The following LGI2 variants were observed in gnomAD, a reference collection of about 807,000 sequenced individuals.
LGI2 encodes leucine-rich repeat LGI family member 2.
In LGI2, 30 loss-of-function variants were observed where a neutral mutation model predicts 52.0. The ratio of observed to expected loss-of-function variants is 0.58; its 90% CI spans 0.43 to 0.78. The LOEUF is 0.78. LGI2 is among the 30% of genes least tolerant of loss of function. The pLI is 0.00. For synonymous variants in LGI2, 270 were observed against 271.8 expected (o/e 0.99, Z 0.06); for missense variants, 573 against 692.5 (o/e 0.83, Z 1.94).
chr4:25,024,950 CTA>C (rs1326700429), intron 3 of LGI2, 59 bp from the exon 4 acceptor site: 2 of 1,117,300 alleles, frequency 1.8e-6, no homozygotes, highest in Non-Finnish European at 2.6e-6. Context: ...CCCAAAAAAA[CTA>C]TGTTGGTAAG....
In LGI2 at chr4:25,006,255, G is replaced by C. The variant is rs918361532; in HGVS notation, c.821-1987C>G. Among the ~76,000 whole-genome samples the C allele has an allele frequency of 1.1e-4, 14 of 129,134 alleles. No individual in the cohort carries two copies. In the East Asian group the frequency reaches 3.7e-3, roughly 34 times the overall value. The allele number at this position is 129,134 out of a possible 152,430, so 84.7% of individuals were successfully genotyped here. On this transcript the variant is annotated intron_variant, in intron 7 of 7. Coordinates refer to ENST00000382114, the MANE Select transcript of LGI2 (RefSeq NM_018176.4). ...ACCTCCCACCATCCCTTATCACCCT[G>C]CACCCAGATGCCCCCCAGACCTCCC...
rs568538969 is a variant in LGI2, at chr4:25,010,424, A to C, written c.820+1911T>G. 2.0e-5 allele frequency among the ~76,000 whole-genome samples: 3 copies of C among 152,252 alleles called. No individual in the cohort carries two copies. In the South Asian group the frequency reaches 6.2e-4, roughly 32 times the overall value. Reference sequence around the variant, plus strand: ...GGTGACTGGACATGCCTAAACCTTGACCTCATCATTTGTAAGGTTGTGAAA... The same window carrying C: ...GGTGACTGGACATGCCTAAACCTTGCCCTCATCATTTGTAAGGTTGTGAAA... On this transcript the variant is annotated intron_variant, in intron 7 of 7. Transcript: ENST00000382114.
intron 7 of LGI2, among the ~76,000 whole-genome samples, chr4:25,008,551 CT>C (rs1560288597): frequency 1.5e-5 from 1 of 65,496 alleles, no homozygotes; most frequent in African/African-American, 4.8e-5. Flanking sequence ...GAGACTCTGT[CT>C]CAAAAAAAAA....
chr4:24,992,434 C>G, the LGI2 span, among the ~76,000 whole-genome samples: 1 of 152,034 alleles, frequency 6.6e-6, no homozygotes, highest in African/African-American at 2.4e-5. Flanking sequence ...GGGCTTAGAG[C>G]CAGGTGCGGT....
chr4:25,024,509 G>A (rs139753409), intron 4 of LGI2, among the ~76,000 whole-genome samples: 3,585 of 151,960 alleles, frequency 0.024, 157 homozygotes, highest in African/African-American at 0.082. Context: ...GTGAGACTCC[G>A]TCTCAAAAAA....
chr4:24,992,823 A>C, the LGI2 span, among the ~76,000 whole-genome samples: 1 of 152,102 alleles, frequency 6.6e-6, no homozygotes, highest in African/African-American at 2.4e-5. Flanking sequence ...CCACATCCAC[A>C]TGCTCTCCTT....
At position 25,026,853 on chromosome 4, in the gene LGI2, A is replaced by C. The variant is rs1361479067; in HGVS notation, c.341+15T>G. 1 of 1,597,672 alleles carries C rather than the reference A, an allele frequency of 6.3e-7. No homozygotes were observed. The highest frequency in any genetic ancestry group is 8.6e-7 in the Non-Finnish European group (1 of 1,164,948). ...ATACCGAATGTTCAGCAAATAGACAAAGCACAAAACTTACAGGTATTCAAG... is the reference window on the plus strand; with the variant it reads ...ATACCGAATGTTCAGCAAATAGACACAGCACAAAACTTACAGGTATTCAAG... On this transcript the variant is annotated intron_variant, in intron 3 of 7. Transcript: ENST00000382114.
At chr4:25,006,607 A>G (rs548292135) in intron 7 of LGI2, among the ~76,000 whole-genome samples, 1 of 152,314 alleles carries the variant, frequency 6.6e-6, no homozygotes, top group South Asian at 2.1e-4. Flanking sequence ...TTAAATGTTT[A>G]CCAGAGCAAA....
rs1725244254 is a variant in LGI2 at position 25,001,719 on chromosome 4, C to A, written c.*1732G>T. On this transcript the variant is annotated 3_prime_UTR_variant, in exon 8 of 8. Transcript: ENST00000382114. ...CCGTGGTTTCTGAGGCTAGAAGCCT[C>A]AGCCTACAGTCCCAGAATGTACCCA... 2 of 152,086 alleles carry A rather than the reference C, an allele frequency of 1.3e-5. No homozygotes were observed. The highest frequency in any genetic ancestry group is 2.9e-5 in the Non-Finnish European group (2 of 68,028). 9.4% of individuals were successfully genotyped at this position (152,086 alleles called of 1,614,324 possible). A position where few individuals can be genotyped will look rare whatever the true frequency, so the allele number is the denominator to read the frequency against.
intron 4 of LGI2, 31 bp from the exon 5 acceptor site, chr4:25,019,269 T>C: frequency 7.1e-7 from 1 of 1,410,498 alleles, no homozygotes; most frequent in South Asian, 1.2e-5. Context: ...TGCAATGTGA[T>C]TATTATCTCA....
chr4:25,006,418 C>T (rs1014936371), intron 7 of LGI2, among the ~76,000 whole-genome samples: 1 of 152,156 alleles, frequency 6.6e-6, no homozygotes. Flanking sequence ...GCCAGAATCC[C>T]AAATTCTAAG....
intron 7 of LGI2, among the ~76,000 whole-genome samples, chr4:25,008,560 A>AAAT (rs1193590122): frequency 6.6e-6 from 1 of 151,800 alleles, no homozygotes; most frequent in Non-Finnish European, 1.5e-5. Context: ...TCTCAAAAAA[A>AAAT]AAAAAAAAAA....
Position 25,030,503 on chromosome 4 carries a change from C to T in LGI2, c.191G>A (p.Ser64Asn). 6.3e-7 allele frequency: 1 copy of T among 1,587,616 alleles called. No individual in the cohort carries two copies. Among genetic ancestry groups the T allele is most frequent in the Non-Finnish European group, 8.6e-7 (1 of 1,168,794 alleles). ...WVPRIVPGDISSLSLVNGTFS... is the reference protein window; with the variant it reads ...WVPRIVPGDINSLSLVNGTFS... ...CTGGAGGGGTCCCACTCACAGGGAG[C>T]TGATGTCGCCCGGCACGATCCTGGG... is the stretch of plus-strand genomic sequence containing the variant. Residue 64 changes from serine to asparagine, a missense_variant, in exon 1 of 8, where the codon AGC (serine) becomes AAC (asparagine). Coordinates refer to ENST00000382114, the MANE Select transcript of LGI2 (RefSeq NM_018176.4).
In LGI2 at chr4:25,018,080, G is replaced by C. The variant is rs149232802; in HGVS notation, c.564C>G (p.Thr188=). ...GACCAATACACAGCACATCAGAAAC[G>C]GTGGAATTTGTCATCTTCAACCACA... The part of the protein sequence containing the change: ...LYLWLKMTNS[T]VSDVLCIGPP... The change falls in exon 6 of 8, where the codon ACC becomes ACG. Residue 188 remains threonine (T), a synonymous_variant. Transcript: ENST00000382114. 2 of 1,613,586 alleles carry C rather than the reference G, an allele frequency of 1.2e-6. No homozygotes were observed. Among genetic ancestry groups the C allele is most frequent in the Non-Finnish European group, 1.7e-6 (2 of 1,179,864 alleles).
chr4:24,995,808 C>T (rs1725058804), downstream of LGI2, among the ~76,000 whole-genome samples: 1 of 152,172 alleles, frequency 6.6e-6, no homozygotes, highest in Non-Finnish European at 1.5e-5. Flanking sequence ...AAGACAGAAG[C>T]AGAGCAGAAG....
At chr4:25,014,368 C>T (rs756679084) in intron 6 of LGI2, among the ~76,000 whole-genome samples, 15 of 152,042 alleles carry the variant, frequency 9.9e-5, no homozygotes, top group Non-Finnish European at 2.1e-4. Flanking sequence ...TCTATTTTCC[C>T]CATATAGTGG....
intron 4 of LGI2, among the ~76,000 whole-genome samples, chr4:25,022,214 G>A (rs754348348): frequency 7.2e-5 from 11 of 152,312 alleles, no homozygotes; most frequent in Non-Finnish European, 5.9e-5. Flanking sequence ...GCTGCATGAA[G>A]CCAATGGCAG....
downstream of LGI2, among the ~76,000 whole-genome samples, chr4:24,994,527 A>G (rs1725000998): frequency 6.6e-6 from 1 of 152,206 alleles, no homozygotes; most frequent in Non-Finnish European, 1.5e-5. Flanking sequence ...AATTAGGACC[A>G]GAAACTGAAC....
At chr4:25,009,379 T>A (rs11733058) in intron 7 of LGI2, among the ~76,000 whole-genome samples, 1 of 151,908 alleles carries the variant, frequency 6.6e-6, no homozygotes, top group East Asian at 1.9e-4. Flanking sequence ...ATCCCTCCAA[T>A]CCCACAGGTC....
Sources: gnomAD v4.1 joint callset for allele counts (sites outside exome capture counted in the v4.1 genomes callset) on GRCh38, gnomAD v4.1.1 for gene constraint, MANE v1.5 for transcripts, NCBI Gene and HGNC (gene_info 2026-07-23, HGNC 2026-07-21) for gene names.